The following PCDHGB1 variants were observed in gnomAD, a reference collection of about 807,000 sequenced individuals.
PCDHGB1 encodes the protein protocadherin gamma-B1.
PCDHGB1 carries 34 observed loss-of-function variants against 56.6 expected under a neutral mutation model. That is an observed-to-expected ratio of 0.60 (90% confidence interval 0.46 to 0.80). The LOEUF (loss-of-function observed/expected upper bound fraction) is 0.80, where lower values mean the gene tolerates loss of function less well. PCDHGB1 is among the 30% of genes least tolerant of loss of function. PCDHGB1 has a pLI of 0.00. For missense variants in PCDHGB1, 1,278 were observed against 1,204.6 expected (o/e 1.06, Z -0.90); for synonymous variants, 561 against 505.9 (o/e 1.11, Z -1.46).
chr5:141,455,580 T>G (rs572453788), intron 1 of PCDHGB1, among the ~76,000 whole-genome samples: 26 of 152,142 alleles, frequency 1.7e-4, no homozygotes, highest in Middle Eastern at 3.2e-3. Context: ...ACCCCAGCCT[T>G]TTAATATGCA....
intron 1 of PCDHGB1, chr5:141,402,898 T>C: frequency 6.6e-7 from 1 of 1,512,304 alleles, no homozygotes; most frequent in Non-Finnish European, 8.8e-7. Context: ...AGAAAGAACC[T>C]GATGAAGCAG....
intron 1 of PCDHGB1, among the ~76,000 whole-genome samples, chr5:141,464,723 T>A (rs1166321691): frequency 6.6e-6 from 1 of 152,156 alleles, no homozygotes; most frequent in Non-Finnish European, 1.5e-5. Flanking sequence ...TTTCATATGT[T>A]TAAAAGCCAG....
intron 1 of PCDHGB1, chr5:141,375,160 T>C (rs373409677): frequency 1.2e-6 from 2 of 1,613,972 alleles, no homozygotes; most frequent in Non-Finnish European, 1.7e-6. Flanking sequence ...TTGCTGAAAG[T>C]GCACCTCCAG....
chr5:141,358,355 T>A (rs1760896522), intron 1 of PCDHGB1, among the ~76,000 whole-genome samples: 1 of 152,236 alleles, frequency 6.6e-6, no homozygotes, highest in South Asian at 2.1e-4. Flanking sequence ...GAGGGTTTTT[T>A]AATTTCCTAT....
At position 141,477,263 on chromosome 5, in the gene PCDHGB1, G is replaced by C. The variant is rs543767777; in HGVS notation, c.2410-17544G>C. ...CAGTGTGACTGACCTGGATGCTGGC[G>C]AGAACGGGCTGGTGACCTGCGAAGT... On this transcript the variant is annotated intron_variant, in intron 1 of 3. Coordinates refer to ENST00000523390, the MANE Select transcript of PCDHGB1 (RefSeq NM_018922.3). The surrounding 1 kb of genome is among the most constrained non-coding windows in gnomAD (Gnocchi z 4.9). The C allele has an allele frequency of 6.2e-7, 1 of 1,614,192 alleles. No individual in the cohort carries two copies. The highest frequency in any genetic ancestry group is 1.3e-5 in the African/African-American group (1 of 75,058).
intron 1 of PCDHGB1, chr5:141,374,655 A>T (rs1490179096): frequency 2.2e-5 from 36 of 1,611,798 alleles, no homozygotes; most frequent in Non-Finnish European, 3.1e-5. Flanking sequence ...GGGCCCAAGT[A>T]CCCGGAGCTG....
In PCDHGB1 at chr5:141,476,715, G is replaced by A. The variant is rs199871912; in HGVS notation, c.2410-18092G>A. 12 of 1,614,168 alleles carry A rather than the reference G, an allele frequency of 7.4e-6. No individual in the cohort carries two copies. The highest frequency in any genetic ancestry group is 1.7e-5 in the Admixed American group (1 of 60,032). On this transcript the variant is annotated intron_variant, in intron 1 of 3. Coordinates refer to ENST00000523390, the MANE Select transcript of PCDHGB1 (RefSeq NM_018922.3). The surrounding 1 kb of genome is among the most constrained non-coding windows in gnomAD (Gnocchi z 7.6). ...AAGTACGCGGAGCTGGTGTTGGAGC[G>A]CGCCCTGGACCGAGAACGGGAGCCT...
chr5:141,357,619 C>T, intron 1 of PCDHGB1: 1 of 1,613,696 alleles, frequency 6.2e-7, no homozygotes, highest in Non-Finnish European at 8.5e-7. Flanking sequence ...CCCTAATCTT[C>T]AGGTGAGTCA....
At position 141,491,660 on chromosome 5, in the gene PCDHGB1, C is replaced by A; in HGVS notation, c.2410-3147C>A. ...ACAGCTCTGGCGCTGGAGCCTGACGCCATCCGGTCCCGCTCTAATACGCTG... is the reference window on the plus strand; with the variant it reads ...ACAGCTCTGGCGCTGGAGCCTGACGACATCCGGTCCCGCTCTAATACGCTG... On this transcript the variant is annotated intron_variant, in intron 1 of 3. Transcript: ENST00000523390. The surrounding 1 kb of genome is among the most constrained non-coding windows in gnomAD (Gnocchi z 6.9). The A allele has an allele frequency of 6.2e-7, 1 of 1,613,810 alleles. No individual in the cohort carries two copies. The highest frequency in any genetic ancestry group is 8.5e-7 in the Non-Finnish European group (1 of 1,180,008).
chr5:141,480,381 C>T (rs1018981416), intron 1 of PCDHGB1, among the ~76,000 whole-genome samples: 2 of 151,926 alleles, frequency 1.3e-5, no homozygotes, highest in Non-Finnish European at 2.9e-5. Context: ...CACCACTACA[C>T]TTCAACCATG....
At chr5:141,364,629 C>T in intron 1 of PCDHGB1, 2 of 1,614,142 alleles carry the variant, frequency 1.2e-6, no homozygotes, top group African/African-American at 1.3e-5. Context: ...GCTCAGAGCC[C>T]ACTGTGTGTG....
intron 1 of PCDHGB1, among the ~76,000 whole-genome samples, chr5:141,467,743 C>T (rs1166073224): frequency 8.5e-5 from 13 of 152,052 alleles, no homozygotes; most frequent in Non-Finnish European, 1.8e-4. Flanking sequence ...CTCGCTGCAA[C>T]CTCCGCCTCA....
At position 141,476,294 on chromosome 5, in the gene PCDHGB1, A is replaced by T. The variant is rs376905832; in HGVS notation, c.2410-18513A>T. On this transcript the variant is annotated intron_variant, in intron 1 of 3. Coordinates refer to ENST00000523390, the MANE Select transcript of PCDHGB1 (RefSeq NM_018922.3). The surrounding 1 kb of genome is among the most constrained non-coding windows in gnomAD (Gnocchi z 7.6). ...CGCGAACCTTGGTTTGGATCTCGGT[A>T]GCCTCTCAGCCCGCAGGTTCCGGGT... is the stretch of plus-strand genomic sequence containing the variant. 2 of 1,613,036 alleles carry T rather than the reference A, an allele frequency of 1.2e-6. No homozygotes were observed. The highest frequency in any genetic ancestry group is 1.7e-6 in the Non-Finnish European group (2 of 1,179,642).
At chr5:141,449,106 T>A (rs2154562506) in intron 1 of PCDHGB1, among the ~76,000 whole-genome samples, 2 of 152,314 alleles carry the variant, frequency 1.3e-5, no homozygotes, top group East Asian at 3.9e-4. Context: ...ATGCAGTATA[T>A]CTTTGGGATG....
chr5:141,412,973 C>G, intron 1 of PCDHGB1: 1 of 528,318 alleles, frequency 1.9e-6, no homozygotes, highest in Non-Finnish European at 3.3e-6. Flanking sequence ...GGAGAGAAAA[C>G]GCAGCCAGAG....
chr5:141,448,915 A>T (rs2098616551), intron 1 of PCDHGB1, among the ~76,000 whole-genome samples: 1 of 152,238 alleles, frequency 6.6e-6, no homozygotes. Context: ...ACTGCACTCC[A>T]GCCTGGGCGA....
At chr5:141,427,826 G>A (rs550161736) in intron 1 of PCDHGB1, 2 of 1,536,500 alleles carry the variant, frequency 1.3e-6, no homozygotes, top group Admixed American at 3.3e-5. Flanking sequence ...TGGTGGTCGC[G>A]CAGCGTGCCT....
At chr5:141,492,161 TC>T (rs1269738341) in intron 1 of PCDHGB1, among the ~76,000 whole-genome samples, 2 of 152,142 alleles carry the variant, frequency 1.3e-5, no homozygotes, top group Admixed American at 6.5e-5. Context: ...ACCCTCCCTA[TC>T]CCCGCATCAC....
chr5:141,506,584 G>A (rs1413313164), intron 3 of PCDHGB1, among the ~76,000 whole-genome samples: 1 of 152,098 alleles, frequency 6.6e-6, no homozygotes, highest in African/African-American at 2.4e-5. Context: ...ACTATTAATG[G>A]GCACAGTATT....
Sources: gnomAD v4.1 joint callset for allele counts (sites outside exome capture counted in the v4.1 genomes callset) on GRCh38, gnomAD v4.1.1 for gene constraint, Gnocchi (gnomAD v3.1) non-coding constraint, MANE v1.5 for transcripts, NCBI Gene and HGNC (gene_info 2026-07-23, HGNC 2026-07-21) for gene names.